MMD2: variants seen among roughly 807,000 people sequenced by gnomAD.
MMD2 encodes monocyte to macrophage differentiation factor 2.
MMD2 carries 30 observed loss-of-function variants against 33.5 expected under a neutral mutation model. That is an observed-to-expected ratio of 0.90 (90% CI 0.67 to 1.22). MMD2 has a LOEUF of 1.22. MMD2 is among the 50% of genes most tolerant of loss of function. The pLI is 0.00. For missense variants in MMD2, 364 were observed against 325.4 expected (o/e 1.12, Z -0.91); for synonymous variants, 129 against 123.0 (o/e 1.05, Z -0.32).
chr7:4,955,848 T>A (rs1054134770), intron 1 of MMD2, among the ~76,000 whole-genome samples: 1 of 151,936 alleles, frequency 6.6e-6, no homozygotes, highest in Non-Finnish European at 1.5e-5. Context: ...AGGTCAGGAG[T>A]TCGAGACCAG....
chr7:4,897,760 G>GAC, the MMD2 span, among the ~76,000 whole-genome samples: 1 of 77,898 alleles, frequency 1.3e-5, no homozygotes, highest in Non-Finnish European at 2.3e-5. Flanking sequence ...CTTTTTTTGA[G>GAC]ACAGTCTCAC....
intron 2 of MMD2, among the ~76,000 whole-genome samples, chr7:4,924,340 C>G (rs1562483042): frequency 6.6e-6 from 1 of 152,266 alleles, no homozygotes; most frequent in Non-Finnish European, 1.5e-5. Flanking sequence ...GCCAAACACA[C>G]AATAGCCCCC....
intron 1 of MMD2, among the ~76,000 whole-genome samples, chr7:4,939,247 G>A (rs1280526894): frequency 1.3e-5 from 2 of 150,908 alleles, no homozygotes; most frequent in Non-Finnish European, 3.0e-5. Context: ...GAGGTGCTAG[G>A]TAAAAGGAAT....
At chr7:4,919,892 T>C (rs1459360800) in intron 3 of MMD2, among the ~76,000 whole-genome samples, 2 of 152,128 alleles carry the variant, frequency 1.3e-5, no homozygotes, top group African/African-American at 4.8e-5. Flanking sequence ...TGAGACTCCA[T>C]CTCAGAAAAA....
chr7:4,898,622 C>T, the MMD2 span, among the ~76,000 whole-genome samples: 1 of 152,112 alleles, frequency 6.6e-6, no homozygotes, highest in African/African-American at 2.4e-5. Flanking sequence ...TTGGGCAGGG[C>T]GCAGTGGCTC....
At chr7:4,942,531 G>C (rs1034119704) in intron 1 of MMD2, among the ~76,000 whole-genome samples, 3 of 151,820 alleles carry the variant, frequency 2.0e-5, no homozygotes, top group Non-Finnish European at 4.4e-5. Context: ...GCCTCTCAAA[G>C]TGCTGGGATT....
chr7:4,959,026 T>C lies in MMD2; in HGVS notation c.-9A>G. The C allele has an allele frequency of 1.6e-6, 2 of 1,263,432 alleles. No individual in the cohort carries two copies. The highest frequency in any genetic ancestry group is 3.3e-5 in the South Asian group (1 of 30,496). 78.3% of individuals were successfully genotyped at this position (1,263,432 alleles called of 1,614,324 possible). On this transcript the variant is annotated 5_prime_UTR_variant, in exon 1 of 7. Transcript: ENST00000401401. ...AGCCGGGGGGCGAACATCGCGGCGCTTCCATGGGAATCTGGCCCCGGGCTC... is the reference window on the plus strand; with the variant it reads ...AGCCGGGGGGCGAACATCGCGGCGCCTCCATGGGAATCTGGCCCCGGGCTC...
In MMD2 at chr7:4,925,443, C is replaced by G; in HGVS notation, c.129+8G>C. 6.5e-7 allele frequency: 1 copy of G among 1,536,132 alleles called. No homozygotes were observed. Among genetic ancestry groups the G allele is most frequent in the South Asian group, 1.2e-5 (1 of 80,660 alleles). ...TCTCAGCCCTGAGCCCCCCAAAAGC[C>G]AACTCACAGCATGGGTGGCACAGTT... On this transcript the variant is annotated splice_region_variant and intron_variant, in intron 2 of 6. Transcript: ENST00000401401.
the MMD2 span, among the ~76,000 whole-genome samples, chr7:4,897,962 T>A: frequency 6.6e-6 from 1 of 152,142 alleles, no homozygotes; most frequent in Non-Finnish European, 1.5e-5. Context: ...GGTCTCAAAC[T>A]CCTGGCCTCA....
At position 4,924,109 on chromosome 7, in the gene MMD2, A is replaced by G. The variant is rs111945426; in HGVS notation, c.129+1342T>C. ...CGGGAGGCTGAGGCAGGAGAATGGCATGAACCCAGGAGGCAGAGCTTGCAG... is the reference window on the plus strand; with the variant it reads ...CGGGAGGCTGAGGCAGGAGAATGGCGTGAACCCAGGAGGCAGAGCTTGCAG... On this transcript the variant is annotated intron_variant, in intron 2 of 6. Coordinates refer to ENST00000401401, the MANE Select transcript of MMD2 (RefSeq NM_198403.4). 5.9e-3 allele frequency among the ~76,000 whole-genome samples: 905 copies of G among 152,212 alleles called. 9 individuals carry two copies. The highest frequency in any genetic ancestry group is 0.02 in the African/African-American group (827 of 41,542).
intron 1 of MMD2, among the ~76,000 whole-genome samples, chr7:4,929,222 C>T (rs1194128594): frequency 1.3e-5 from 2 of 152,152 alleles, no homozygotes; most frequent in Admixed American, 6.6e-5. Flanking sequence ...GACTTCAACA[C>T]CAGGGTCACA....
intron 1 of MMD2, among the ~76,000 whole-genome samples, chr7:4,925,954 T>C (rs568547536): frequency 1.3e-5 from 2 of 151,890 alleles, no homozygotes; most frequent in South Asian, 4.2e-4. Context: ...GCTGGGCGTG[T>C]GCCACCACGC....
At chr7:4,928,369 T>C (rs183627667) in intron 1 of MMD2, among the ~76,000 whole-genome samples, 7 of 151,942 alleles carry the variant, frequency 4.6e-5, no homozygotes, top group Non-Finnish European at 7.4e-5. Context: ...GGCTCCACGC[T>C]CATCAAGACC....
At chr7:4,948,610 C>T (rs1402656686) in intron 1 of MMD2, among the ~76,000 whole-genome samples, 4 of 151,900 alleles carry the variant, frequency 2.6e-5, no homozygotes, top group African/African-American at 9.7e-5. Context: ...TGGAAAATGA[C>T]AAGGTCATGA....
intron 1 of MMD2, among the ~76,000 whole-genome samples, chr7:4,953,611 C>T (rs1249573091): frequency 2.0e-5 from 3 of 151,382 alleles, no homozygotes. Context: ...GCTGGGACTA[C>T]AGGTGCATGC....
chr7:4,932,305 A>T (rs1338281411), intron 1 of MMD2, among the ~76,000 whole-genome samples: 1 of 152,132 alleles, frequency 6.6e-6, no homozygotes, highest in Non-Finnish European at 1.5e-5. Flanking sequence ...CACCACCCTG[A>T]AGACCCGAGC....
rs762627969 is a variant in MMD2, at chr7:4,925,431, C to A, written c.129+20G>T. On this transcript the variant is annotated intron_variant, in intron 2 of 6. Coordinates refer to ENST00000401401, the MANE Select transcript of MMD2 (RefSeq NM_198403.4). ...GAAGTGTCCCCATCTCAGCCCTGAGCCCCCCAAAAGCCAACTCACAGCATG... is the reference window on the plus strand; with the variant it reads ...GAAGTGTCCCCATCTCAGCCCTGAGACCCCCAAAAGCCAACTCACAGCATG... The A allele has an allele frequency of 2.0e-6, 3 of 1,518,382 alleles. No homozygotes were observed. Among genetic ancestry groups the A allele is most frequent in the Non-Finnish European group, 2.7e-6 (3 of 1,128,484 alleles). The allele number at this position is 1,518,382 out of a possible 1,614,324, so 94.1% of individuals were successfully genotyped here. A position where few individuals can be genotyped will look rare whatever the true frequency, so the allele number is the denominator to read the frequency against.
In MMD2 at chr7:4,918,483, C is replaced by CTT. The variant is rs60393757; in HGVS notation, c.290+1686_290+1687dup. ...TCTTTTCTTTTTCTTTTCTTTCTTTCTTTTTTTTTTTTTTTTTTGAGACAG... is the reference window on the plus strand; with the variant it reads ...TCTTTTCTTTTTCTTTTCTTTCTTTCTTTTTTTTTTTTTTTTTTTTGAGACAG... On this transcript the variant is annotated intron_variant, in intron 3 of 6. Coordinates refer to ENST00000401401, the MANE Select transcript of MMD2 (RefSeq NM_198403.4). Among the ~76,000 whole-genome samples the CTT allele has an allele frequency of 1.7e-3, 217 of 131,008 alleles. 2 individuals are homozygous for CTT. Among genetic ancestry groups the CTT allele is most frequent in the African/African-American group, 5.4e-3 (185 of 34,272 alleles). 85.9% of individuals were successfully genotyped at this position (131,008 alleles called of 152,430 possible).
At chr7:4,900,132 C>T in the MMD2 span, among the ~76,000 whole-genome samples, 1 of 152,160 alleles carries the variant, frequency 6.6e-6, no homozygotes, top group East Asian at 1.9e-4. Flanking sequence ...GAAATCCCAT[C>T]TCTACTAAAA....
Sources: gnomAD v4.1 joint callset for allele counts (sites outside exome capture counted in the v4.1 genomes callset) on GRCh38, gnomAD v4.1.1 for gene constraint, MANE v1.5 for transcripts, NCBI Gene and HGNC (gene_info 2026-07-23, HGNC 2026-07-21) for gene names.